TBC1D4: variants seen among roughly 807,000 people sequenced by gnomAD.
TBC1D4 encodes the protein TBC1 domain family member 4.
A neutral mutation model predicts 142.5 loss-of-function variants in TBC1D4; 121 were observed. The observed-to-expected ratio is 0.85, with a 90% CI of 0.73 to 0.99. The LOEUF (loss-of-function observed/expected upper bound fraction) is 0.99. Among genes scored for constraint, TBC1D4 ranks in the 50% least tolerant of loss-of-function variants. TBC1D4 has a pLI of 0.00. For missense variants in TBC1D4, 1,475 were observed against 1,606.6 expected, an observed-to-expected ratio of 0.92 and a Z score of 1.40; for synonymous variants, 630 against 628.2, an observed-to-expected ratio of 1.00 and a Z score of -0.04.
chr13:75,379,872 T>G, intron 1 of TBC1D4, among the ~76,000 whole-genome samples: 1 of 146,744 alleles, frequency 6.8e-6, no homozygotes. Context: ...GTATATCAGT[T>G]TTGTTCATCT....
chr13:75,316,525 T>C (rs1279864104), intron 12 of TBC1D4: 1 of 152,196 alleles, frequency 6.6e-6, no homozygotes, highest in Non-Finnish European at 1.5e-5. Flanking sequence ...CTTGAAAAAG[T>C]AGTTGGTTGC....
intron 1 of TBC1D4, among the ~76,000 whole-genome samples, chr13:75,466,991 G>A (rs2138307679): frequency 6.6e-6 from 1 of 152,072 alleles, no homozygotes; most frequent in Non-Finnish European, 1.5e-5. Context: ...AATCAATTCT[G>A]CTTTCAGAAG....
chr13:75,313,169 C>T (rs1026511978), intron 12 of TBC1D4, among the ~76,000 whole-genome samples: 13 of 152,198 alleles, frequency 8.5e-5, no homozygotes, highest in African/African-American at 3.1e-4. Context: ...ATCTGAGGAA[C>T]AGAAGCACTT....
intron 8 of TBC1D4, among the ~76,000 whole-genome samples, chr13:75,335,622 GCACCATC>G (rs1284650157): frequency 6.6e-6 from 1 of 152,136 alleles, no homozygotes; most frequent in Non-Finnish European, 1.5e-5. Flanking sequence ...GAATGGTTTA[GCACCATC>G]CACTTGGTGC....
At chr13:75,388,373 T>G (rs1420628951) in intron 1 of TBC1D4, among the ~76,000 whole-genome samples, 1 of 152,216 alleles carries the variant, frequency 6.6e-6, no homozygotes, top group Non-Finnish European at 1.5e-5. Flanking sequence ...GCTTTTCCTC[T>G]ACATGAGCAT....
chr13:75,478,381 G>A (rs1888703451), intron 1 of TBC1D4, among the ~76,000 whole-genome samples: 1 of 152,100 alleles, frequency 6.6e-6, no homozygotes, highest in Non-Finnish European at 1.5e-5. Flanking sequence ...CCAACAGATA[G>A]GGCCATTGCA....
intron 16 of TBC1D4, among the ~76,000 whole-genome samples, chr13:75,300,200 A>C (rs1876386559): frequency 6.6e-6 from 1 of 152,192 alleles, no homozygotes; most frequent in Non-Finnish European, 1.5e-5. Context: ...TCAATATCTA[A>C]AAATATCAAG....
In TBC1D4 at chr13:75,416,119, A is replaced by G. The variant is rs76978445; in HGVS notation, c.499-53512T>C. Among the ~76,000 whole-genome samples, 338 of 152,356 alleles carry G rather than the reference A, an allele frequency of 2.2e-3. 2 individuals are homozygous for G. Among genetic ancestry groups the G allele is most frequent in the African/African-American group, 7.8e-3 (324 of 41,586 alleles). On this transcript the variant is annotated intron_variant, in intron 1 of 20. Coordinates refer to ENST00000377636, the MANE Select transcript of TBC1D4 (RefSeq NM_014832.5). ...AAATCAAAATAGCTATTCTGAGACA[A>G]ATATTGTGGCATTCTTTCCTTTATT...
intron 1 of TBC1D4, among the ~76,000 whole-genome samples, chr13:75,458,190 G>A (rs1307280944): frequency 6.6e-6 from 1 of 152,124 alleles, no homozygotes; most frequent in Non-Finnish European, 1.5e-5. Context: ...AGTGGTGCAG[G>A]TGGATCTCTG....
At chr13:75,404,178 G>A (rs1240748536) in intron 1 of TBC1D4, among the ~76,000 whole-genome samples, 3 of 152,034 alleles carry the variant, frequency 2.0e-5, no homozygotes, top group African/African-American at 7.2e-5. Context: ...AAAAGATGGC[G>A]CAGTAAGAAA....
chr13:75,325,841 G>A (rs1347033466), intron 10 of TBC1D4, among the ~76,000 whole-genome samples: 1 of 152,178 alleles, frequency 6.6e-6, no homozygotes, highest in African/African-American at 2.4e-5. Context: ...AAGTTCTAAT[G>A]CTATGTTATT....
intron 1 of TBC1D4, among the ~76,000 whole-genome samples, chr13:75,422,270 GA>G (rs994510356): frequency 2.1e-4 from 31 of 146,490 alleles, no homozygotes; most frequent in East Asian, 5.9e-4. Context: ...AACTGGCTGT[GA>G]AAAAAAAAAA....
chr13:75,453,943 TAAATGAAACAA>T (rs1168880106), intron 1 of TBC1D4, among the ~76,000 whole-genome samples: 1 of 151,800 alleles, frequency 6.6e-6, no homozygotes, highest in Non-Finnish European at 1.5e-5. Flanking sequence ...TTGCCAATAA[TAAATGAAACAA>T]ACATGAAAAT....
intron 10 of TBC1D4, among the ~76,000 whole-genome samples, chr13:75,324,859 G>C (rs1015204089): frequency 4.6e-5 from 7 of 152,184 alleles, no homozygotes; most frequent in African/African-American, 1.7e-4. Flanking sequence ...GTTGTTGGAA[G>C]TTATCATAAT....
At chr13:75,368,084 A>C (rs1348940532) in intron 1 of TBC1D4, among the ~76,000 whole-genome samples, 2 of 152,224 alleles carry the variant, frequency 1.3e-5, no homozygotes, top group Non-Finnish European at 2.9e-5. Flanking sequence ...TTTAGTTAAA[A>C]ATCTAAATTA....
intron 1 of TBC1D4, among the ~76,000 whole-genome samples, chr13:75,383,277 T>G (rs1050821110): frequency 6.6e-6 from 1 of 152,114 alleles, no homozygotes; most frequent in Non-Finnish European, 1.5e-5. Context: ...GAGCTGAGAT[T>G]GCGCCACTAC....
chr13:75,427,098 T>TA (rs1418282170), intron 1 of TBC1D4, among the ~76,000 whole-genome samples: 1 of 151,844 alleles, frequency 6.6e-6, no homozygotes, highest in Non-Finnish European at 1.5e-5. Context: ...AAACATTTTT[T>TA]TTTTTTTTGA....
chr13:75,334,423 T>C (rs971636177), intron 8 of TBC1D4, among the ~76,000 whole-genome samples: 1 of 151,772 alleles, frequency 6.6e-6, no homozygotes, highest in Admixed American at 6.6e-5. Context: ...ATGTTTACAT[T>C]TACATTTTTT....
chr13:75,384,171 G>A (rs1884033434), intron 1 of TBC1D4, among the ~76,000 whole-genome samples: 2 of 152,080 alleles, frequency 1.3e-5, no homozygotes, highest in South Asian at 4.2e-4. Context: ...GCCTGTGCTG[G>A]GATTACAGAA....
Sources: gnomAD v4.1 joint callset for allele counts (sites outside exome capture counted in the v4.1 genomes callset) on GRCh38, gnomAD v4.1.1 for gene constraint, MANE v1.5 for transcripts, NCBI Gene and HGNC (gene_info 2026-07-23, HGNC 2026-07-21) for gene names.